The following UVRAG variants were observed in gnomAD, a reference collection of about 807,000 sequenced individuals.
UVRAG encodes the protein UV radiation resistance-associated gene protein.
Under a neutral mutation model 78.0 loss-of-function variants are expected in UVRAG, and 19 were observed. The observed-to-expected ratio is 0.24, with a 90% confidence interval of 0.17 to 0.36. UVRAG has a LOEUF of 0.36. UVRAG is among the 10% of genes least tolerant of loss of function. UVRAG has a pLI of 1.00. For synonymous variants in UVRAG, 323 were observed against 324.6 expected, an observed-to-expected ratio of 1.00 and a Z score of 0.05; for missense variants, 740 against 853.8, an observed-to-expected ratio of 0.87 and a Z score of 1.66.
chr11:75,877,628 C>T (rs1184456765), intron 3 of UVRAG, among the ~76,000 whole-genome samples: 3 of 139,534 alleles, frequency 2.2e-5, no homozygotes, highest in Admixed American at 6.9e-5. Context: ...CCACCTCCCT[C>T]CCGGACGGAG....
At chr11:75,931,121 G>T (rs892909549) in intron 6 of UVRAG, among the ~76,000 whole-genome samples, 4 of 151,318 alleles carry the variant, frequency 2.6e-5, no homozygotes, top group African/African-American at 7.3e-5. Flanking sequence ...TTGGGAGTTT[G>T]TTTCTCTCTT....
intron 12 of UVRAG, among the ~76,000 whole-genome samples, chr11:76,028,046 G>A (rs932111440): frequency 4.0e-5 from 6 of 151,670 alleles, no homozygotes; most frequent in Non-Finnish European, 1.5e-5. Context: ...AAGTCTGTCA[G>A]TGGTATTTTT....
intron 5 of UVRAG, among the ~76,000 whole-genome samples, chr11:75,910,706 A>T (rs957631388): frequency 6.6e-6 from 1 of 151,998 alleles, no homozygotes; most frequent in African/African-American, 2.4e-5. Context: ...GCTATGCAGG[A>T]GACTGGAGTT....
chr11:76,027,970 A>G (rs923625547), intron 12 of UVRAG, among the ~76,000 whole-genome samples: 2 of 152,090 alleles, frequency 1.3e-5, no homozygotes, highest in Non-Finnish European at 2.9e-5. Context: ...TGCATTTTAC[A>G]TTATTGTGCT....
chr11:75,969,597 C>T (rs1267297507), intron 7 of UVRAG, among the ~76,000 whole-genome samples: 1 of 151,968 alleles, frequency 6.6e-6, no homozygotes, highest in African/African-American at 2.4e-5. Flanking sequence ...TAGGAATATT[C>T]TATGAAAGGC....
intron 7 of UVRAG, among the ~76,000 whole-genome samples, chr11:75,974,661 C>G (rs55726751): frequency 2.0e-5 from 3 of 152,096 alleles, no homozygotes; most frequent in Non-Finnish European, 4.4e-5. Flanking sequence ...CCACCGCGCC[C>G]GGCCAAATGT....
intron 6 of UVRAG, among the ~76,000 whole-genome samples, chr11:75,919,479 T>A (rs1328243176): frequency 3.3e-5 from 5 of 151,370 alleles, no homozygotes; most frequent in Non-Finnish European, 5.9e-5. Flanking sequence ...TAGTTTGCTC[T>A]GTTATACTCT....
Position 76,008,793 on chromosome 11 carries a change from A to G in UVRAG, c.1000-14A>G. The G allele has an allele frequency of 7.1e-7, 1 of 1,407,498 alleles. No homozygotes were observed. The highest frequency in any genetic ancestry group is 9.6e-7 in the Non-Finnish European group (1 of 1,037,248). The allele number at this position is 1,407,498 out of a possible 1,614,324, so 87.2% of individuals were successfully genotyped here. On this transcript the variant is annotated splice_polypyrimidine_tract_variant and intron_variant, in intron 10 of 14. Coordinates refer to ENST00000356136, the MANE Select transcript of UVRAG (RefSeq NM_003369.4). ...GCTTTATTTATTAATTTTATTCTTT[A>G]ATTAAATTCACAGAATGAACATAAG... is the stretch of plus-strand genomic sequence containing the variant.
chr11:75,947,088 A>G (rs1948600761), intron 6 of UVRAG, among the ~76,000 whole-genome samples: 4 of 152,010 alleles, frequency 2.6e-5, no homozygotes, highest in African/African-American at 7.3e-5. Context: ...TTTTGAGGCC[A>G]CCCTATGACC....
At chr11:75,856,481 G>A (rs1215609294) in intron 2 of UVRAG, among the ~76,000 whole-genome samples, 2 of 151,496 alleles carry the variant, frequency 1.3e-5, no homozygotes, top group Non-Finnish European at 2.9e-5. Flanking sequence ...GACAGAGTCT[G>A]ACTCTGTCAA....
At chr11:75,985,726 C>A (rs912980699) in intron 8 of UVRAG, among the ~76,000 whole-genome samples, 1 of 151,996 alleles carries the variant, frequency 6.6e-6, no homozygotes, top group Non-Finnish European at 1.5e-5. Flanking sequence ...AGGTAGGAGT[C>A]GAGATTATTT....
intron 6 of UVRAG, among the ~76,000 whole-genome samples, chr11:75,932,949 A>G (rs570388942): frequency 6.6e-6 from 1 of 152,308 alleles, no homozygotes; most frequent in African/African-American, 2.4e-5. Flanking sequence ...CTGCAAGTTT[A>G]ATGCAATTTC....
intron 13 of UVRAG, among the ~76,000 whole-genome samples, chr11:76,095,659 G>C (rs1483238830): frequency 6.6e-6 from 1 of 151,538 alleles, no homozygotes; most frequent in Non-Finnish European, 1.5e-5. Flanking sequence ...TTTGAGGCCA[G>C]GAGTTTGAGA....
At chr11:75,884,401 T>G (rs1478564035) in intron 4 of UVRAG, among the ~76,000 whole-genome samples, 1 of 152,268 alleles carries the variant, frequency 6.6e-6, no homozygotes, top group South Asian at 2.1e-4. Context: ...TGGCTTGTCT[T>G]TTCATTTTTT....
intron 7 of UVRAG, among the ~76,000 whole-genome samples, chr11:75,972,698 C>A (rs1949148977): frequency 6.6e-6 from 1 of 152,154 alleles, no homozygotes; most frequent in South Asian, 2.1e-4. Flanking sequence ...GTCAGTCTTC[C>A]AACTTTGTTC....
At chr11:75,834,367 A>C (rs944421429) in intron 1 of UVRAG, among the ~76,000 whole-genome samples, 1 of 151,784 alleles carries the variant, frequency 6.6e-6, no homozygotes, top group African/African-American at 2.4e-5. Context: ...TATGTCCTTC[A>C]TAAGGTATCA....
At chr11:76,059,459 ATGATTCT>A (rs1398594992) in intron 12 of UVRAG, among the ~76,000 whole-genome samples, 6 of 152,236 alleles carry the variant, frequency 3.9e-5, no homozygotes, top group Admixed American at 1.3e-4. Flanking sequence ...GCTTGGACCA[ATGATTCT>A]CAACTGGAGG....
chr11:75,849,699 A>G (rs1946114387), intron 1 of UVRAG, among the ~76,000 whole-genome samples: 1 of 152,212 alleles, frequency 6.6e-6, no homozygotes, highest in African/African-American at 2.4e-5. Flanking sequence ...ACGGTAAACA[A>G]TTAACTATAA....
At chr11:75,959,870 A>T (rs553786000) in intron 6 of UVRAG, among the ~76,000 whole-genome samples, 1 of 152,128 alleles carries the variant, frequency 6.6e-6, no homozygotes, top group African/African-American at 2.4e-5. Context: ...GCCTAATTTC[A>T]TTATTGTTGT....
Sources: gnomAD v4.1 joint callset for allele counts (sites outside exome capture counted in the v4.1 genomes callset) on GRCh38, gnomAD v4.1.1 for gene constraint, MANE v1.5 for transcripts, NCBI Gene and HGNC (gene_info 2026-07-23, HGNC 2026-07-21) for gene names.